The following FRMD4B variants were observed in gnomAD, a reference collection of about 807,000 sequenced individuals.
FRMD4B encodes the protein FERM domain-containing protein 4B.
Under a neutral mutation model 141.5 loss-of-function variants are expected in FRMD4B, and 74 were observed. The observed-to-expected ratio is 0.52, with a 90% CI of 0.43 to 0.63. The LOEUF (loss-of-function observed/expected upper bound fraction) is 0.63. FRMD4B is among the 30% of genes least tolerant of loss of function. FRMD4B has a pLI of 0.00. For missense variants in FRMD4B, 1,366 were observed against 1,253.4 expected, an observed-to-expected ratio of 1.09 and a Z score of -1.36; for synonymous variants, 506 against 467.9, an observed-to-expected ratio of 1.08 and a Z score of -1.05.
intron 11 of FRMD4B, among the ~76,000 whole-genome samples, chr3:69,201,866 A>T (rs2092971065): frequency 6.6e-6 from 1 of 152,208 alleles, no homozygotes; most frequent in Non-Finnish European, 1.5e-5. Context: ...ATCTTAGAAG[A>T]TAAATAAAAG....
intron 18 of FRMD4B, among the ~76,000 whole-genome samples, chr3:69,188,783 A>C (rs1440622902): frequency 1.3e-5 from 2 of 151,462 alleles, no homozygotes; most frequent in African/African-American, 4.9e-5. Flanking sequence ...AAAAAAAAAA[A>C]ACTTGGGGAA....
chr3:69,475,604 C>T, intron 1 of FRMD4B, among the ~76,000 whole-genome samples: 1 of 152,054 alleles, frequency 6.6e-6, no homozygotes, highest in Non-Finnish European at 1.5e-5. Context: ...TCCAGTCTAT[C>T]ATTGTTGGAC....
At chr3:69,476,879 C>A (rs956499725) in intron 1 of FRMD4B, among the ~76,000 whole-genome samples, 10 of 152,052 alleles carry the variant, frequency 6.6e-5, no homozygotes, top group Non-Finnish European at 1.5e-4. Flanking sequence ...TTTTATTTCA[C>A]TGAGCAGTGG....
chr3:69,486,252 G>A (rs769675416), intron 1 of FRMD4B, among the ~76,000 whole-genome samples: 1 of 152,140 alleles, frequency 6.6e-6, no homozygotes, highest in Non-Finnish European at 1.5e-5. Context: ...AGTTGTTGGG[G>A]TAAAGGTGGT....
intron 1 of FRMD4B, among the ~76,000 whole-genome samples, chr3:69,515,581 C>G (rs896608725): frequency 7.9e-5 from 12 of 152,052 alleles, no homozygotes; most frequent in African/African-American, 2.7e-4. Context: ...GCAGCTTTGG[C>G]CATTGAGATC....
chr3:69,309,412 G>A (rs902845687), intron 3 of FRMD4B, among the ~76,000 whole-genome samples: 2 of 151,246 alleles, frequency 1.3e-5, no homozygotes, highest in Non-Finnish European at 2.9e-5. Context: ...AAAGTGTTAG[G>A]ATCACAGGTG....
chr3:69,499,988 G>A (rs1026948382), intron 1 of FRMD4B, among the ~76,000 whole-genome samples: 1 of 152,262 alleles, frequency 6.6e-6, no homozygotes, highest in Non-Finnish European at 1.5e-5. Context: ...GACAACATGT[G>A]ATGACAGACT....
rs71115659 is a variant in FRMD4B, at chr3:69,189,222, C to CAAAA, written c.1771+670_1771+673dup. The stretch of plus-strand genomic sequence containing the variant: ...GGGCAACAAGAGCGAAACTCCATCT[C>CAAAA]AAAAAAAAAAAAAAAAAAAAAAAAG... On this transcript the variant is annotated intron_variant, in intron 18 of 22. Transcript: ENST00000398540. Among the ~76,000 whole-genome samples, 45 of 39,692 alleles carry CAAAA rather than the reference C, an allele frequency of 1.1e-3. 2 individuals are homozygous for CAAAA. Among genetic ancestry groups the CAAAA allele is most frequent in the African/African-American group, 2.7e-3 (26 of 9,750 alleles). The allele number at this position is 39,692 out of a possible 152,430, so 26.0% of individuals were successfully genotyped here. A position where few individuals can be genotyped will look rare whatever the true frequency, so the allele number is the denominator to read the frequency against.
At chr3:69,425,003 T>C (rs1705052838) in intron 2 of FRMD4B, among the ~76,000 whole-genome samples, 1 of 152,202 alleles carries the variant, frequency 6.6e-6, no homozygotes, top group Admixed American at 6.5e-5. Context: ...TTTTATGTAC[T>C]TTACCTCTGC....
intron 1 of FRMD4B, among the ~76,000 whole-genome samples, chr3:69,487,186 G>A (rs953544400): frequency 1.3e-5 from 2 of 152,168 alleles, no homozygotes; most frequent in Non-Finnish European, 2.9e-5. Context: ...CTGTGCTGGA[G>A]CAGTCTCATA....
chr3:69,508,612 C>G, intron 1 of FRMD4B, among the ~76,000 whole-genome samples: 1 of 152,134 alleles, frequency 6.6e-6, no homozygotes. Context: ...TCCACCTGCC[C>G]AGATAAAGCT....
At chr3:69,490,843 T>C (rs1023823300) in intron 1 of FRMD4B, among the ~76,000 whole-genome samples, 10 of 152,098 alleles carry the variant, frequency 6.6e-5, no homozygotes, top group Non-Finnish European at 1.5e-4. Context: ...AAGCACACGA[T>C]AAGGTTGCTT....
intron 1 of FRMD4B, among the ~76,000 whole-genome samples, chr3:69,363,747 G>C (rs1703548396): frequency 6.6e-6 from 1 of 152,182 alleles, no homozygotes; most frequent in Non-Finnish European, 1.5e-5. Context: ...CCATTGACCA[G>C]AGCTGGGTCC....
chr3:69,198,010 G>A (rs145059627), intron 12 of FRMD4B: 2,306 of 152,286 alleles, frequency 0.015, 25 homozygotes, highest in Non-Finnish European at 0.024. Context: ...TGTACTCCCA[G>A]CTACTTGGGA....
chr3:69,519,201 G>C (rs570186221), intron 1 of FRMD4B, among the ~76,000 whole-genome samples: 22 of 152,272 alleles, frequency 1.4e-4, no homozygotes, highest in Non-Finnish European at 2.8e-4. Flanking sequence ...CCAAGGTTTG[G>C]GAAGTAAAGG....
chr3:69,540,660 T>TATATATAC (rs1241897477), intron 1 of FRMD4B, among the ~76,000 whole-genome samples: 1 of 56,874 alleles, frequency 1.8e-5, no homozygotes, highest in African/African-American at 1.0e-4. Context: ...TATATATATA[T>TATATATAC]ACACACACAC....
At position 69,267,093 on chromosome 3, in the gene FRMD4B, G is replaced by A. The variant is rs545256782; in HGVS notation, c.502-16994C>T. On this transcript the variant is annotated intron_variant, in intron 5 of 22. Transcript: ENST00000398540. ...CCCCAGGCTCATCAAAGTATTAATA[G>A]GATAGAAAGAGATAGGACAGGGTGT... Among the ~76,000 whole-genome samples the A allele has an allele frequency of 2.0e-5, 3 of 152,324 alleles. No individual in the cohort carries two copies. The South Asian group carries it at 6.2e-4, about 32-fold the overall frequency.
At chr3:69,310,551 C>CG (rs1701543907) in intron 3 of FRMD4B, 1 of 389,056 alleles carries the variant, frequency 2.6e-6, no homozygotes, top group South Asian at 1.6e-5. Context: ...TACACACAGA[C>CG]AAACACACAC....
chr3:69,238,013 T>C (rs2093357529), intron 7 of FRMD4B, among the ~76,000 whole-genome samples: 1 of 152,212 alleles, frequency 6.6e-6, no homozygotes, highest in Non-Finnish European at 1.5e-5. Context: ...ATTACAGGCG[T>C]GAGCCACAGC....
Sources: allele counts gnomAD v4.1 joint callset (sites outside exome capture counted in the v4.1 genomes callset), GRCh38; gene constraint gnomAD v4.1.1; transcripts MANE v1.5; gene names NCBI Gene and HGNC (gene_info 2026-07-23, HGNC 2026-07-21).